Variants in ACTN1 observed in about 807,000 individuals in gnomAD.
ACTN1 encodes the protein actinin alpha 1.
ACTN1 carries 30 observed loss-of-function variants against 119.6 expected under a neutral mutation model. The ratio of observed to expected loss-of-function variants is 0.25; its 90% CI spans 0.19 to 0.34. ACTN1 has a LOEUF of 0.34. ACTN1 is among the 10% of genes least tolerant of loss of function. ACTN1 has a pLI of 1.00. For synonymous variants in ACTN1, 429 were observed against 472.6 expected (o/e 0.91, Z 1.20); for missense variants, 764 against 1,223.4 (o/e 0.62, Z 5.60).
In ACTN1 at chr14:68,878,718, A is replaced by G. The variant is rs2031179669; in HGVS notation, c.2362-195T>C. 1.3e-6 allele frequency: 2 copies of G among 1,536,872 alleles called. No individual in the cohort carries two copies. The highest frequency in any genetic ancestry group is 1.7e-6 in the Non-Finnish European group (2 of 1,147,108). On this transcript the variant is annotated intron_variant, in intron 19 of 21. Coordinates refer to ENST00000394419, the MANE Select transcript of ACTN1 (RefSeq NM_001130004.2). This position sits in a 1 kb window ranked among gnomAD's most constrained non-coding sequence, Gnocchi z 4.4. ...GGTGGAAATGTCCAAAGACAGGAGG[A>G]AGACAGAGCAGGGAGATGCAAAAAT...
intron 1 of ACTN1, among the ~76,000 whole-genome samples, chr14:68,958,212 C>A (rs935686806): frequency 7.9e-5 from 12 of 152,200 alleles, no homozygotes; most frequent in African/African-American, 2.4e-5. Context: ...AATAGGTTAA[C>A]AGGGCCTTCA....
intron 14 of ACTN1, among the ~76,000 whole-genome samples, chr14:68,883,833 T>G (rs536531076): frequency 1.5e-4 from 23 of 152,264 alleles, no homozygotes; most frequent in African/African-American, 4.6e-4. Context: ...TAATAAAAGG[T>G]ACTTTTTGTT....
At chr14:68,888,689 T>A (rs2032228339) in intron 11 of ACTN1, among the ~76,000 whole-genome samples, 1 of 152,098 alleles carries the variant, frequency 6.6e-6, no homozygotes, top group African/African-American at 2.4e-5. Context: ...TGGGAGAGCA[T>A]TACCACCTGA....
chr14:68,882,531 T>C lies in ACTN1; in HGVS notation c.1880A>G (p.His627Arg). 6.2e-7 allele frequency: 1 copy of C among 1,614,232 alleles called. No homozygotes were observed. Among genetic ancestry groups the C allele is most frequent in the Middle Eastern group, 1.6e-4 (1 of 6,062 alleles). Residue 627 changes from histidine to arginine, a missense_variant, in exon 16 of 22, where the codon CAC (histidine) becomes CGC (arginine). His to Arg is a conservative substitution (Grantham distance 29). Around this residue, in one of 4 missense-constraint regions of ACTN1, gnomAD observed 544 missense variants for 912.0 expected, o/e 0.60. Transcript: ENST00000394419. The surrounding 1 kb of genome is among the most constrained non-coding windows in gnomAD (Gnocchi z 4.5). The part of the protein sequence containing the change: ...ALTEEHARQQ[H>R]NERLRKQFGA... The stretch of plus-strand genomic sequence containing the variant: ...AAACTGCTTGCGTAGCCTCTCATTG[T>C]GCTGCTGTCGGGCATGCTCCTCCGT...
intron 1 of ACTN1, among the ~76,000 whole-genome samples, chr14:68,927,552 G>A (rs2034993798): frequency 6.6e-6 from 1 of 152,146 alleles, no homozygotes; most frequent in Non-Finnish European, 1.5e-5. Context: ...GAGGGTCCTG[G>A]GAGATCCAAC....
intron 9 of ACTN1, 84 bp downstream of exon 9, chr14:68,893,571 T>C (rs2032658892): frequency 3.1e-6 from 4 of 1,304,116 alleles, no homozygotes; most frequent in Non-Finnish European, 3.3e-6. Context: ...CCTGAGACTA[T>C]GCTCCAAGGA....
intron 1 of ACTN1, among the ~76,000 whole-genome samples, chr14:68,937,919 T>C (rs2268986): frequency 0.59 from 89,040 of 151,790 alleles, 27,584 homozygotes; most frequent in East Asian, 0.78. Context: ...CGTTGAGTCC[T>C]CTGCAGCATC....
intron 11 of ACTN1, among the ~76,000 whole-genome samples, chr14:68,888,518 A>G (rs1489637661): frequency 6.6e-6 from 1 of 152,182 alleles, no homozygotes; most frequent in African/African-American, 2.4e-5. Context: ...TGCAAAGCCC[A>G]GCATTTGTAC....
chr14:68,895,294 C>T, intron 8 of ACTN1, among the ~76,000 whole-genome samples: 1 of 152,150 alleles, frequency 6.6e-6, no homozygotes, highest in East Asian at 1.9e-4. Flanking sequence ...CCTGGAGATG[C>T]CATGACTGCT....
chr14:68,895,852 G>C (rs1206721136), intron 8 of ACTN1, among the ~76,000 whole-genome samples: 1 of 152,144 alleles, frequency 6.6e-6, no homozygotes, highest in African/African-American at 2.4e-5. Context: ...ATCCCCAAGA[G>C]CCTGCTGACT....
rs1414538401 is a variant in ACTN1 at position 68,979,182 on chromosome 14, C to G, written c.-126G>C. ...GGGCTGGCGGGGCCGGGCTCGCTCC[C>G]CTGCGCCCGGTTCCGCCGCGGCGCT... On this transcript the variant is annotated 5_prime_UTR_variant, in exon 1 of 22. Transcript: ENST00000394419. The G allele has an allele frequency of 1.8e-6, 1 of 564,318 alleles. No homozygotes were observed. The highest frequency in any genetic ancestry group is 3.8e-5 in the East Asian group (1 of 26,572). The allele number at this position is 564,318 out of a possible 1,614,324, so 35.0% of individuals were successfully genotyped here. A position where few individuals can be genotyped will look rare whatever the true frequency, so the allele number is the denominator to read the frequency against.
intron 1 of ACTN1, among the ~76,000 whole-genome samples, chr14:68,942,147 G>A (rs1277189785): frequency 2.6e-5 from 4 of 152,192 alleles, no homozygotes; most frequent in Non-Finnish European, 5.9e-5. Context: ...TGGGACTGGA[G>A]CAGACACTCC....
intron 8 of ACTN1, among the ~76,000 whole-genome samples, chr14:68,899,229 CCACA>C (rs1332097296): frequency 2.8e-5 from 4 of 143,870 alleles, no homozygotes; most frequent in Non-Finnish European, 6.1e-5. Flanking sequence ...ACACCACACC[CCACA>C]CACACAGCAC....
At chr14:68,894,477 G>C (rs2032733280) in intron 8 of ACTN1, among the ~76,000 whole-genome samples, 1 of 152,182 alleles carries the variant, frequency 6.6e-6, no homozygotes, top group Non-Finnish European at 1.5e-5. Flanking sequence ...GGACTGAATG[G>C]CAATCCCAGG....
intron 1 of ACTN1, among the ~76,000 whole-genome samples, chr14:68,943,727 C>T (rs1461231243): frequency 1.3e-5 from 2 of 152,180 alleles, no homozygotes; most frequent in Non-Finnish European, 2.9e-5. Flanking sequence ...TCATCACCCA[C>T]GAGGCATGCG....
At chr14:68,910,094 A>G in intron 4 of ACTN1, 52 bp from the exon 5 acceptor site, 1 of 1,498,938 alleles carries the variant, frequency 6.7e-7, no homozygotes, top group Non-Finnish European at 9.2e-7. Context: ...CGGTGGAGGG[A>G]GGGATGCCGG....
intron 1 of ACTN1, among the ~76,000 whole-genome samples, chr14:68,941,647 A>G (rs982350798): frequency 9.9e-5 from 15 of 152,130 alleles, no homozygotes; most frequent in Admixed American, 2.6e-4. Context: ...AGCACACCCT[A>G]AGTAGTTAAT....
Position 68,925,318 on chromosome 14 carries a change from CTTT to C in ACTN1, c.220+237_220+239del, listed in dbSNP as rs36108835. 9.7e-4 allele frequency among the ~76,000 whole-genome samples: 117 copies of C among 121,224 alleles called. No homozygotes were observed. The highest frequency in any genetic ancestry group is 2.6e-3 in the African/African-American group (85 of 33,148). 79.5% of individuals were successfully genotyped at this position (121,224 alleles called of 152,430 possible). A position where few individuals can be genotyped will look rare whatever the true frequency, so the allele number is the denominator to read the frequency against. The stretch of plus-strand genomic sequence containing the variant: ...GAAGGAACCTCAGTTCCTTCAAACC[CTTT>C]TTTTTTTTTTTTTTTTTTTTAAAAC... On this transcript the variant is annotated intron_variant, in intron 2 of 21. Transcript: ENST00000394419. This position sits in a 1 kb window ranked among gnomAD's most constrained non-coding sequence, Gnocchi z 4.3.
At chr14:68,973,373 C>T (rs1448175942) in intron 1 of ACTN1, among the ~76,000 whole-genome samples, 5 of 152,148 alleles carry the variant, frequency 3.3e-5, no homozygotes, top group African/African-American at 4.8e-5. Flanking sequence ...ATGCTGTTCT[C>T]GTGAGAGTGA....
Sources: allele counts gnomAD v4.1 joint callset (sites outside exome capture counted in the v4.1 genomes callset), GRCh38; gene constraint gnomAD v4.1.1; regional missense constraint gnomAD v4.1.1; non-coding constraint Gnocchi (gnomAD v3.1); transcripts MANE v1.5; gene names NCBI Gene and HGNC (gene_info 2026-07-23, HGNC 2026-07-21).